The following LILRA2 variants were observed in gnomAD, a reference collection of about 807,000 sequenced individuals.
LILRA2 encodes leukocyte immunoglobulin like receptor A2, also known as leukocyte immunoglobulin-like receptor subfamily A member 2.
In LILRA2, 45 loss-of-function variants were observed where a neutral mutation model predicts 47.9. The ratio of observed to expected loss-of-function variants is 0.94; its 90% CI spans 0.74 to 1.20. The LOEUF is 1.20. Among genes scored for constraint, LILRA2 ranks in the 50% most tolerant of loss-of-function variants. The pLI is 0.00. For synonymous variants in LILRA2, 279 were observed against 249.2 expected, an observed-to-expected ratio of 1.12 and a Z score of -1.13; for missense variants, 651 against 598.2, an observed-to-expected ratio of 1.09 and a Z score of -0.92.
rs2062321915 is a variant in LILRA2 at position 54,574,781 on chromosome 19, T to A, written c.403T>A (p.Ser135Thr). The A allele has an allele frequency of 6.2e-7, 1 of 1,614,274 alleles. No homozygotes were observed. Among genetic ancestry groups the A allele is most frequent in the East Asian group, 2.2e-5 (1 of 44,882 alleles). Residue 135 changes from serine (S) to threonine (T), a missense_variant, in exon 4 of 8, where the codon TCA becomes ACA. By Grantham distance (58) the Ser-to-Thr change is moderately conservative. Coordinates refer to ENST00000391738, the MANE Select transcript of LILRA2 (RefSeq NM_001130917.3). ...LSALPSPVVT[S>T]GGNVTLQCVS... is the part of the protein sequence containing the mutation. ...AGCTCTGCCCAGCCCTGTGGTGACC[T>A]CAGGAGGGAACGTGACCCTCCAGTG...
chr19:54,587,352 A>G lies in LILRA2; in HGVS notation c.*6A>G, dbSNP rs1177852650. 1.2e-6 allele frequency: 2 copies of G among 1,614,070 alleles called. No homozygotes were observed. The highest frequency in any genetic ancestry group is 1.7e-6 in the Non-Finnish European group (2 of 1,180,042). On this transcript the variant is annotated 3_prime_UTR_variant, in exon 8 of 8. Transcript: ENST00000391738. ...AAGATGCAGCCGGGAGGTGAACAGC[A>G]GAGAGGACAATGCATCCTTCAGCGT...
intron 6 of LILRA2, chr19:54,577,396 G>C: frequency 3.4e-6 from 4 of 1,168,534 alleles, no homozygotes; most frequent in Non-Finnish European, 4.4e-6. Context: ...GGAGGAGGAA[G>C]AGAGGCAGGT....
At chr19:54,586,979 C>T (rs750250077) in intron 6 of LILRA2, 31 bp from the exon 7 acceptor site, 3 of 1,579,532 alleles carry the variant, frequency 1.9e-6, no homozygotes, top group Non-Finnish European at 1.7e-6. Context: ...AGGCTGGGCT[C>T]AGGGCTCTTC....
chr19:54,573,681 G>A (rs2062220893), upstream of LILRA2: 1 of 1,033,528 alleles, frequency 9.7e-7, no homozygotes, highest in Non-Finnish European at 1.4e-6. Context: ...AGGGCCTGGT[G>A]CCTGCCCCCA....
rs745472113 is a variant in LILRA2 at position 54,574,027 on chromosome 19, C to A, written c.35-49C>A. On this transcript the variant is annotated intron_variant, in intron 1 of 7. Transcript: ENST00000391738. ...CACAAAGATCCCAGGGAGGGGAGGA[C>A]CTGCCCAGGCTTCAGGGGAAAAATC... 6.8e-6 allele frequency: 11 copies of A among 1,614,056 alleles called. No individual in the cohort carries two copies. The East Asian group carries it at 2.5e-4, about 36-fold the overall frequency.
chr19:54,576,359 G>A (rs2062438213), intron 6 of LILRA2, among the ~76,000 whole-genome samples: 1 of 152,086 alleles, frequency 6.6e-6, no homozygotes, highest in Non-Finnish European at 1.5e-5. Context: ...CCTCAGAGAT[G>A]TGATTAGACT....
chr19:54,587,275 G>T lies in LILRA2; in HGVS notation c.1381G>T (p.Val461Leu), dbSNP rs73939008. The change falls in exon 8 of 8, where the codon GTG (valine) becomes TTG (leucine). Residue 461 changes from valine (V) to leucine (L), a missense_variant. By Grantham distance (32) the Val-to-Leu change is conservative. Coordinates refer to ENST00000391738, the MANE Select transcript of LILRA2 (RefSeq NM_001130917.3). Reference sequence around the variant, plus strand: ...CATGGGTGTGGCTGGCTTGGTCCTGGTGGTCCTCGGGATTCTGCTATTTGA... The same window carrying T: ...CATGGGTGTGGCTGGCTTGGTCCTGTTGGTCCTCGGGATTCTGCTATTTGA... ...IRMGVAGLVL[V>L]VLGILLFEAQ... The T allele has an allele frequency of 1.3e-3, 2,115 of 1,614,102 alleles. 38 individuals carry two copies. The African/African-American group carries it at 0.024, about 18-fold the overall frequency.
intron 4 of LILRA2, 70 bp from the exon 5 acceptor site, chr19:54,575,186 C>A (rs879841837): frequency 1.9e-6 from 3 of 1,553,930 alleles, no homozygotes; most frequent in Non-Finnish European, 2.6e-6. Context: ...GGAAGATCAG[C>A]GGGGGAGAGG....
chr19:54,576,307 G>T (rs985780136), intron 6 of LILRA2, among the ~76,000 whole-genome samples, 198 bp downstream of exon 6: 1 of 88,282 alleles, frequency 1.1e-5, no homozygotes, highest in African/African-American at 5.2e-5. Context: ...TAAAGAGCAT[G>T]AAGGGCTGGG....
Position 54,577,206 on chromosome 19 carries a change from T to C in LILRA2, c.1255+1097T>C, listed in dbSNP as rs1359849888. 4.6e-5 allele frequency among the ~76,000 whole-genome samples: 7 copies of C among 152,176 alleles called. 1 individual carries two copies. Among genetic ancestry groups the C allele is most frequent in the Admixed American group, 4.6e-4 (7 of 15,272 alleles). On this transcript the variant is annotated intron_variant, in intron 6 of 7. Transcript: ENST00000391738. ...GGTTGAGAGTCTCCCCTCTCTCGTG[T>C]ACAAGAGAAAATGTCTCCAATTTTC...
chr19:54,573,948 G>A (rs1364611252), intron 1 of LILRA2, 36 bp downstream of exon 1: 8 of 1,613,196 alleles, frequency 5.0e-6, no homozygotes, highest in Middle Eastern at 1.7e-4. Flanking sequence ...TTCTAACCTA[G>A]GAGGGACCTC....
Position 54,587,244 on chromosome 19 carries a change from C to T in LILRA2, c.1350C>T (p.Leu450=), listed in dbSNP as rs769440569. Reference sequence around the variant, plus strand: ...CCCAGGATTACACAGTGGAGAATCTCATCCGCATGGGTGTGGCTGGCTTGG... The same window carrying T: ...CCCAGGATTACACAGTGGAGAATCTTATCCGCATGGGTGTGGCTGGCTTGG... The part of the protein sequence containing the change: ...QHPQDYTVEN[L]IRMGVAGLVL... Residue 450 remains leucine, a synonymous_variant, in exon 8 of 8, where the codon CTC becomes CTT. Transcript: ENST00000391738. 1.2e-6 allele frequency: 2 copies of T among 1,614,100 alleles called. No homozygotes were observed. Among genetic ancestry groups the T allele is most frequent in the South Asian group, 2.2e-5 (2 of 91,064 alleles).
At chr19:54,579,638 A>T (rs542331625) in intron 6 of LILRA2, among the ~76,000 whole-genome samples, 5 of 152,034 alleles carry the variant, frequency 3.3e-5, no homozygotes, top group Non-Finnish European at 7.4e-5. Flanking sequence ...TTTTCCAATT[A>T]TGTGAAGAAA....
intron 2 of LILRA2, 59 bp downstream of exon 2, chr19:54,574,170 C>T: frequency 6.2e-7 from 1 of 1,614,272 alleles, no homozygotes; most frequent in Non-Finnish European, 8.5e-7. Flanking sequence ...AGGGGCCACC[C>T]CCGTGCAGCT....
Position 54,587,303 on chromosome 19 carries a change from C to G in LILRA2, c.1409C>G (p.Ala470Gly). The G allele has an allele frequency of 3.1e-6, 5 of 1,614,112 alleles. No individual in the cohort carries two copies. In the East Asian group the frequency reaches 1.1e-4, roughly 36 times the overall value. Residue 470 changes from alanine (A) to glycine (G), a missense_variant, in exon 8 of 8, where the codon GCT becomes GGT. Physicochemically the swap from Ala to Gly is moderately conservative, Grantham distance 60. Transcript: ENST00000391738. ...LVVLGILLFE[A>G]QHSQRSLQDA... ...GTCCTCGGGATTCTGCTATTTGAGGCTCAGCACAGCCAGAGAAGCCTACAA... is the reference window on the plus strand; with the variant it reads ...GTCCTCGGGATTCTGCTATTTGAGGGTCAGCACAGCCAGAGAAGCCTACAA...
rs749771069 is a variant in LILRA2 at position 54,575,566 on chromosome 19, C to G, written c.952+14C>G. On this transcript the variant is annotated intron_variant, in intron 5 of 7. Coordinates refer to ENST00000391738, the MANE Select transcript of LILRA2 (RefSeq NM_001130917.3). ...TCCTGATCACAGGTGAGGAGCCCAG[C>G]GGGTTCAGTCAGGGACCCAGGCTCT... is the stretch of plus-strand genomic sequence containing the variant. 6 of 1,609,958 alleles carry G rather than the reference C, an allele frequency of 3.7e-6. No individual in the cohort carries two copies. Among genetic ancestry groups the G allele is most frequent in the African/African-American group, 1.3e-5 (1 of 74,690 alleles).
chr19:54,573,775 C>T, upstream of LILRA2: 2 of 863,092 alleles, frequency 2.3e-6, no homozygotes, highest in South Asian at 1.9e-5. Context: ...AACCCCATGA[C>T]AAGAAGGATC....
chr19:54,579,696 G>T (rs1238203232), intron 6 of LILRA2, among the ~76,000 whole-genome samples: 1 of 152,072 alleles, frequency 6.6e-6, no homozygotes, highest in African/African-American at 2.4e-5. Flanking sequence ...AAATCCCTTT[G>T]GGCAGTGTGG....
rs371696952 is a variant in LILRA2, at chr19:54,587,824, C to G, written c.*478C>G. On this transcript the variant is annotated 3_prime_UTR_variant, in exon 8 of 8. Transcript: ENST00000391738. ...TTCCAACCAGGAAAACATAAATCCA[C>G]CCTGCTGCCCTGACACCCTCTCTGT... 99 of 167,636 alleles carry G rather than the reference C, an allele frequency of 5.9e-4. No individual in the cohort carries two copies. The South Asian group carries it at 0.014, about 24-fold the overall frequency. The allele number at this position is 167,636 out of a possible 1,614,324, so 10.4% of individuals were successfully genotyped here.
Sources: allele counts gnomAD v4.1 joint callset (sites outside exome capture counted in the v4.1 genomes callset), GRCh38; gene constraint gnomAD v4.1.1; transcripts MANE v1.5; gene names NCBI Gene and HGNC (gene_info 2026-07-23, HGNC 2026-07-21).